PDE4D: variants seen among roughly 807,000 people sequenced by gnomAD.
The protein encoded by PDE4D is phosphodiesterase 4D, also known as 3',5'-cyclic-AMP phosphodiesterase 4D.
A neutral mutation model predicts 87.4 loss-of-function variants in PDE4D; 24 were observed. That is an observed-to-expected ratio of 0.27 (90% CI 0.20 to 0.39). The LOEUF (loss-of-function observed/expected upper bound fraction) is 0.39, where lower values mean the gene tolerates loss of function less well. Ranked by LOEUF, PDE4D falls within the 10% of genes least tolerant of loss-of-function variation. The pLI is 1.00. For synonymous variants in PDE4D, 384 were observed against 383.2 expected, an observed-to-expected ratio of 1.00 and a Z score of -0.02; for missense variants, 714 against 1,041.0, an observed-to-expected ratio of 0.69 and a Z score of 4.32.
intron 1 of PDE4D, among the ~76,000 whole-genome samples, chr5:59,793,584 C>T (rs1766070346): frequency 6.6e-6 from 1 of 152,174 alleles, no homozygotes. Context: ...ACATGAACAT[C>T]TAGCCTTTTA....
intron 1 of PDE4D, among the ~76,000 whole-genome samples, chr5:59,258,679 C>A (rs937592925): frequency 1.4e-5 from 2 of 147,728 alleles, no homozygotes; most frequent in African/African-American, 2.5e-5. Flanking sequence ...TATTATATAT[C>A]ATATAGATAA....
At chr5:59,945,067 TAATC>T (rs1275606125) in intron 3 of PDE4D, among the ~76,000 whole-genome samples, 6 of 152,234 alleles carry the variant, frequency 3.9e-5, no homozygotes, top group African/African-American at 1.4e-4. Context: ...TTAAGTATAT[TAATC>T]TATTGAGAAG....
intron 1 of PDE4D, chr5:59,275,782 G>A (rs1764684280): frequency 1.7e-5 from 17 of 993,110 alleles, no homozygotes; most frequent in Non-Finnish European, 2.0e-5. Context: ...AGCTTTAAAG[G>A]TTTCTGACAC....
chr5:60,199,100 T>G (rs1462123680), intron 1 of PDE4D, among the ~76,000 whole-genome samples: 2 of 151,780 alleles, frequency 1.3e-5, no homozygotes, highest in Non-Finnish European at 2.9e-5. Flanking sequence ...ATTTTGATGC[T>G]TCCTTCTTCA....
At chr5:59,184,488 G>GT (rs543043430) in intron 4 of PDE4D, among the ~76,000 whole-genome samples, 19 of 150,958 alleles carry the variant, frequency 1.3e-4, no homozygotes, top group African/African-American at 3.2e-4. Flanking sequence ...TGATTTAAAT[G>GT]TTTTTTTTCC....
chr5:60,102,491 T>C (rs1278689045), intron 2 of PDE4D, among the ~76,000 whole-genome samples: 1 of 152,118 alleles, frequency 6.6e-6, no homozygotes, highest in Non-Finnish European at 1.5e-5. Context: ...ATAATAACAC[T>C]TACACTTTTA....
At chr5:59,306,581 C>G (rs562721985) in intron 1 of PDE4D, among the ~76,000 whole-genome samples, 2 of 152,030 alleles carry the variant, frequency 1.3e-5, no homozygotes, top group Admixed American at 6.6e-5. Context: ...AAACAGAGAG[C>G]CAAATCATCA....
intron 1 of PDE4D, among the ~76,000 whole-genome samples, chr5:59,695,911 T>C (rs1751713293): frequency 6.6e-6 from 1 of 152,184 alleles, no homozygotes; most frequent in Admixed American, 6.6e-5. Flanking sequence ...TCTTGGCTGA[T>C]TTAATTATTG....
At chr5:59,559,515 G>A (rs1819574435) in intron 1 of PDE4D, among the ~76,000 whole-genome samples, 1 of 152,148 alleles carries the variant, frequency 6.6e-6, no homozygotes, top group South Asian at 2.1e-4. Flanking sequence ...AAGCCCCTAA[G>A]CCTCCAGTGG....
chr5:60,283,661 A>C (rs929130230), intron 1 of PDE4D, among the ~76,000 whole-genome samples: 35 of 151,982 alleles, frequency 2.3e-4, no homozygotes, highest in African/African-American at 8.0e-4. Context: ...GGCTTAATGT[A>C]GCTTAACACT....
intron 1 of PDE4D, among the ~76,000 whole-genome samples, chr5:59,614,015 CA>C (rs1209575080): frequency 9.2e-5 from 14 of 151,984 alleles, no homozygotes; most frequent in African/African-American, 2.9e-4. Flanking sequence ...TTCTATAACT[CA>C]AAAAAATATT....
At chr5:59,430,526 A>T (rs1411564164) in intron 1 of PDE4D, 2 of 875,056 alleles carry the variant, frequency 2.3e-6, no homozygotes, top group African/African-American at 3.5e-5. Flanking sequence ...TATGCTGCTC[A>T]CTGGTTGCCC....
chr5:59,368,233 A>G lies in PDE4D; in HGVS notation c.456-152265T>C, dbSNP rs539743430. On this transcript the variant is annotated intron_variant, in intron 1 of 14. Transcript: ENST00000340635. ...TAAAAAGAACTTCCTAAAATAGGAA[A>G]TTAGCATCTATGTTTGTTCCCATGA... Among the ~76,000 whole-genome samples, 9 of 152,372 alleles carry G rather than the reference A, an allele frequency of 5.9e-5. No homozygotes were observed. The South Asian group carries it at 1.9e-3, about 32-fold the overall frequency.
chr5:60,036,929 C>T (rs1269573336), intron 2 of PDE4D, among the ~76,000 whole-genome samples: 3 of 152,180 alleles, frequency 2.0e-5, no homozygotes, highest in East Asian at 1.9e-4. Flanking sequence ...ACACAAAATA[C>T]ATATAAAATC....
rs2152901301 is a variant in PDE4D, at chr5:60,078,006, C to T, written c.43-89289G>A. Among the ~76,000 whole-genome samples, 2 of 152,256 alleles carry T rather than the reference C, an allele frequency of 1.3e-5. 1 individual carries two copies. Among genetic ancestry groups the T allele is most frequent in the South Asian group, 4.1e-4 (2 of 4,824 alleles). ...CCCTCTATCTGCCCTCAGTGCCTTC[C>T]CTGTGAAGATCTGCTAGGAGTGTGC... is the stretch of plus-strand genomic sequence containing the variant. On this transcript the variant is annotated intron_variant, in intron 2 of 16. Transcript: ENST00000502484.
intron 1 of PDE4D, among the ~76,000 whole-genome samples, chr5:59,736,496 T>G (rs1407387998): frequency 6.6e-6 from 1 of 151,976 alleles, no homozygotes; most frequent in African/African-American, 2.4e-5. Context: ...CTGACCAACA[T>G]GGCGAAACAC....
At chr5:60,130,282 T>A (rs1257511761) in intron 2 of PDE4D, among the ~76,000 whole-genome samples, 2 of 152,148 alleles carry the variant, frequency 1.3e-5, no homozygotes, top group African/African-American at 4.8e-5. Context: ...GCACTGCTGA[T>A]TGAGATGGGT....
At chr5:59,072,283 A>G (rs540133348) in intron 5 of PDE4D, among the ~76,000 whole-genome samples, 1 of 152,302 alleles carries the variant, frequency 6.6e-6, no homozygotes, top group African/African-American at 2.4e-5. Flanking sequence ...GCTTAAGCAT[A>G]GTTGGAAGCT....
At chr5:59,973,844 C>T (rs150287862) in intron 3 of PDE4D, among the ~76,000 whole-genome samples, 4 of 151,976 alleles carry the variant, frequency 2.6e-5, no homozygotes, top group African/African-American at 9.6e-5. Flanking sequence ...ATTAAACAAA[C>T]AAACAAAAAA....
Sources: allele counts gnomAD v4.1 joint callset (sites outside exome capture counted in the v4.1 genomes callset), GRCh38; gene constraint gnomAD v4.1.1; transcripts MANE v1.5; gene names NCBI Gene and HGNC (gene_info 2026-07-23, HGNC 2026-07-21).